Variants in ZNF540 observed in about 807,000 individuals in gnomAD.
ZNF540 encodes zinc finger protein 540, also known as CTD-3064H18.6.
Under a neutral mutation model 11.8 loss-of-function variants are expected in ZNF540, and 3 were observed. The ratio of observed to expected loss-of-function variants is 0.25; its 90% CI spans 0.12 to 0.65. The LOEUF is 0.65. Ranked by LOEUF, ZNF540 falls within the 30% of genes least tolerant of loss-of-function variation. The pLI is 0.83. For synonymous variants in ZNF540, 247 were observed against 259.0 expected, an observed-to-expected ratio of 0.95 and a Z score of 0.45; for missense variants, 709 against 793.1, an observed-to-expected ratio of 0.89 and a Z score of 1.27.
At chr19:37,607,150 T>C (rs2147231901) in intron 4 of ZNF540, among the ~76,000 whole-genome samples, 1 of 152,264 alleles carries the variant, frequency 6.6e-6, no homozygotes, top group African/African-American at 2.4e-5. Flanking sequence ...TTCTATTAAT[T>C]AACAAACTTT....
chr19:37,603,637 G>A (rs575312651), intron 4 of ZNF540, among the ~76,000 whole-genome samples: 170 of 151,442 alleles, frequency 1.1e-3, no homozygotes, highest in African/African-American at 3.4e-3. Context: ...TCAATAGCTC[G>A]TTCACTTTTT....
intron 1 of ZNF540, chr19:37,564,151 G>A (rs944689627): frequency 6.6e-6 from 1 of 152,172 alleles, no homozygotes; most frequent in African/African-American, 2.4e-5. Context: ...ATAAGAGAAT[G>A]GTTGCATCTT....
chr19:37,566,721 G>A (rs1402118975), intron 1 of ZNF540, among the ~76,000 whole-genome samples: 3 of 152,058 alleles, frequency 2.0e-5, no homozygotes, highest in Non-Finnish European at 4.4e-5. Context: ...TAACCTCTTA[G>A]CTGGTTTCTC....
Position 37,613,963 on chromosome 19 carries a change from CAT to C in ZNF540, c.*701_*702del, listed in dbSNP as rs1238287900. Reference sequence around the variant, plus strand: ...AAGAGCCAGCTAGCTCTTTCAACCACATGAGGTTACAGCAAGAAGTCAGCAGT... The same window carrying C: ...AAGAGCCAGCTAGCTCTTTCAACCACGAGGTTACAGCAAGAAGTCAGCAGT... On this transcript the variant is annotated 3_prime_UTR_variant, in exon 5 of 5. Coordinates refer to ENST00000316433, the MANE Select transcript of ZNF540 (RefSeq NM_001172225.3). 7.5e-6 allele frequency: 3 copies of C among 397,774 alleles called. No individual in the cohort carries two copies. The highest frequency in any genetic ancestry group is 4.4e-5 in the Admixed American group (1 of 22,678). The allele number at this position is 397,774 out of a possible 1,614,324, so 24.6% of individuals were successfully genotyped here. A position where few individuals can be genotyped will look rare whatever the true frequency, so the allele number is the denominator to read the frequency against.
intron 1 of ZNF540, among the ~76,000 whole-genome samples, chr19:37,558,859 CAGAGAG>C (rs994136002): frequency 1.3e-5 from 2 of 151,510 alleles, no homozygotes; most frequent in East Asian, 1.9e-4. Context: ...GAGAGAGAGA[CAGAGAG>C]AGAGTGTTTC....
chr19:37,612,355 G>C lies in ZNF540; in HGVS notation c.1075G>C (p.Glu359Gln). ...TGGTGTAAAACCCTACGAATGTAAGGAATGTGGAAAGACCTTTAGACTTAG... is the reference window on the plus strand; with the variant it reads ...TGGTGTAAAACCCTACGAATGTAAGCAATGTGGAAAGACCTTTAGACTTAG... ...HTGVKPYECK[E>Q]CGKTFRLSFY... The change falls in exon 5 of 5, where the codon GAA becomes CAA. Residue 359 changes from glutamate (E) to glutamine (Q), a missense_variant. Transcript: ENST00000316433. 6.2e-7 allele frequency: 1 copy of C among 1,614,094 alleles called. No homozygotes were observed. Among genetic ancestry groups the C allele is most frequent in the South Asian group, 1.1e-5 (1 of 91,080 alleles).
At chr19:37,582,875 T>C (rs1283967916) in intron 1 of ZNF540, among the ~76,000 whole-genome samples, 9 of 152,198 alleles carry the variant, frequency 5.9e-5, no homozygotes, top group African/African-American at 1.9e-4. Flanking sequence ...ATTTTTATCC[T>C]CACTGTTCAC....
At chr19:37,604,343 T>C in intron 4 of ZNF540, among the ~76,000 whole-genome samples, 1 of 136,976 alleles carries the variant, frequency 7.3e-6, no homozygotes, top group Admixed American at 7.9e-5. Flanking sequence ...AGTCTCGCTC[T>C]GTCGCCCAGG....
In ZNF540 at chr19:37,581,854, G is replaced by GTCCTTCT. The variant is rs755323196; in HGVS notation, c.-72-16522_-72-16521insTCCTTCT. On this transcript the variant is annotated intron_variant, in intron 1 of 4. Coordinates refer to the ZNF540 transcript ENST00000592533. ...GTTCACCCTGCAGTGGACAGGAGCT[G>GTCCTTCT]CAGGGTGAACCAGGAGAATGGCAAA... Among the ~76,000 whole-genome samples, 559 of 151,932 alleles carry GTCCTTCT rather than the reference G, an allele frequency of 3.7e-3. 2 individuals are homozygous for GTCCTTCT. Among genetic ancestry groups the GTCCTTCT allele is most frequent in the Non-Finnish European group, 3.4e-3 (234 of 67,970 alleles).
intron 1 of ZNF540, chr19:37,595,580 G>C (rs2043984479): frequency 6.6e-6 from 1 of 152,212 alleles, no homozygotes; most frequent in East Asian, 1.9e-4. Context: ...AATATGGTGA[G>C]AATGAGCACG....
chr19:37,571,678 C>A (rs1228568941), intron 1 of ZNF540, among the ~76,000 whole-genome samples: 1 of 152,162 alleles, frequency 6.6e-6, no homozygotes, highest in East Asian at 1.9e-4. Context: ...GAACTACTTA[C>A]AATATTTTTG....
At chr19:37,604,394 G>A (rs1269896024) in intron 4 of ZNF540, among the ~76,000 whole-genome samples, 11 of 132,322 alleles carry the variant, frequency 8.3e-5, no homozygotes, top group Non-Finnish European at 1.6e-4. Flanking sequence ...TACAAGCTCC[G>A]CCTCCCGGGT....
intron 1 of ZNF540, among the ~76,000 whole-genome samples, chr19:37,584,504 C>T (rs2043591930): frequency 6.6e-6 from 1 of 152,092 alleles, no homozygotes; most frequent in Non-Finnish European, 1.5e-5. Context: ...GAATTTTTTT[C>T]CAAACAATGT....
Position 37,597,772 on chromosome 19 carries a change from G to A in ZNF540, c.-72-604G>A, listed in dbSNP as rs557420991. ...GACCAAATAGGAAGTATTTTAGGCT[G>A]TGTGGCCCATACAATCTCCATTGCA... On this transcript the variant is annotated intron_variant, in intron 1 of 4. Transcript: ENST00000316433. Among the ~76,000 whole-genome samples, 4 of 152,374 alleles carry A rather than the reference G, an allele frequency of 2.6e-5. No homozygotes were observed. The South Asian group carries it at 6.2e-4, about 24-fold the overall frequency.
rs202081146 is a variant in ZNF540, at chr19:37,584,007, C to T, written c.-72-14369C>T. The T allele has an allele frequency of 2.9e-5, 47 of 1,613,444 alleles. No individual in the cohort carries two copies. In the Admixed American group the frequency reaches 3.0e-4, roughly 10 times the overall value. ...AGGTTGCTGTAGTTCTCCAACATCA[C>T]ATCCCTGTACAAGTCCCTCTGAGCA... On this transcript the variant is annotated intron_variant, in intron 1 of 4. Coordinates refer to the ZNF540 transcript ENST00000592533.
Position 37,612,469 on chromosome 19 carries a change from C to T in ZNF540, c.1189C>T (p.Gln397Ter), listed in dbSNP as rs1319792982. 20 of 1,614,110 alleles carry T rather than the reference C, an allele frequency of 1.2e-5. No homozygotes were observed. Among genetic ancestry groups the T allele is most frequent in the Non-Finnish European group, 1.7e-5 (20 of 1,180,016 alleles). Residue 397 changes from glutamine to a stop codon, truncating the protein, a stop_gained, in exon 5 of 5, where the codon CAG becomes TAG. Coordinates refer to ENST00000316433, the MANE Select transcript of ZNF540 (RefSeq NM_001172225.3). LOFTEE classifies it low-confidence loss of function (END_TRUNC). ...TGGGAAATCATTTAATGTGCGTGGA[C>T]AGCTTAATCGGCATAAAACAATCCA... Reference protein sequence around the residue: ...ECGKSFNVRGQLNRHKTIHTG... With the variant: ...ECGKSFNVRG
chr19:37,583,423 G>C (rs1018762884), intron 1 of ZNF540: 5 of 152,300 alleles, frequency 3.3e-5, no homozygotes, highest in African/African-American at 1.2e-4. Context: ...ATGGGAGTTG[G>C]GAGGGAGGTT....
chr19:37,558,049 A>C (rs1010396272), intron 1 of ZNF540, among the ~76,000 whole-genome samples: 8 of 152,030 alleles, frequency 5.3e-5, no homozygotes, highest in Non-Finnish European at 1.2e-4. Context: ...CGGCTTTGAG[A>C]TATTAGGGAG....
chr19:37,571,580 A>G (rs75541416), intron 1 of ZNF540, among the ~76,000 whole-genome samples: 404 of 152,334 alleles, frequency 2.7e-3, no homozygotes, highest in African/African-American at 9.5e-3. Flanking sequence ...CCAACTTATG[A>G]TACTTAGACT....
Sources: gnomAD v4.1 joint callset for allele counts (sites outside exome capture counted in the v4.1 genomes callset) on GRCh38, gnomAD v4.1.1 for gene constraint, MANE v1.5 for transcripts, NCBI Gene and HGNC (gene_info 2026-07-23, HGNC 2026-07-21) for gene names.